FAT4: variants seen among roughly 807,000 people sequenced by gnomAD.
FAT4 encodes the protein protocadherin Fat 4.
A neutral mutation model predicts 303.9 loss-of-function variants in FAT4; 84 were observed. That is an observed-to-expected ratio of 0.28 (90% CI 0.23 to 0.33). The LOEUF (loss-of-function observed/expected upper bound fraction) is 0.33. Ranked by LOEUF, FAT4 falls within the 10% of genes least tolerant of loss-of-function variation. The pLI is 1.00. For missense variants in FAT4, 6,005 were observed against 6,146.8 expected, an observed-to-expected ratio of 0.98 and a Z score of 0.77; for synonymous variants, 2,307 against 2,298.8, an observed-to-expected ratio of 1.00 and a Z score of -0.10.
rs919257001 is a variant in FAT4 at position 125,452,524 on chromosome 4, C to T, written c.11514C>T (p.Ile3838=). The change falls in exon 10 of 18, where the codon ATC becomes ATT. Residue 3838 remains isoleucine, a synonymous_variant. Coordinates refer to ENST00000394329, the MANE Select transcript of FAT4 (RefSeq NM_001291303.3). Reference sequence around the variant, plus strand: ...AAAGCCGTGAGAGTCTTCCAGTCATCATCGTGGCAAATGAACCTCTGCAGC... The same window carrying T: ...AAAGCCGTGAGAGTCTTCCAGTCATTATCGTGGCAAATGAACCTCTGCAGC... The part of the protein sequence containing the change: ...VLKSRESLPV[I]IVANEPLQPF... The T allele has an allele frequency of 3.1e-6, 5 of 1,613,962 alleles. No individual in the cohort carries two copies. Among genetic ancestry groups the T allele is most frequent in the Non-Finnish European group, 4.2e-6 (5 of 1,180,032 alleles).
intron 5 of FAT4, among the ~76,000 whole-genome samples, chr4:125,411,050 C>T (rs1024075017): frequency 2.0e-5 from 3 of 151,980 alleles, no homozygotes; most frequent in African/African-American, 7.2e-5. Context: ...TCAAGTGTTT[C>T]ACAGACAATA....
At chr4:125,346,341 G>C (rs895256973) in intron 2 of FAT4, among the ~76,000 whole-genome samples, 2 of 151,906 alleles carry the variant, frequency 1.3e-5, no homozygotes, top group Admixed American at 1.3e-4. Flanking sequence ...TTGGGAAATA[G>C]AGAAGTTGTC....
At chr4:125,458,078 A>T (rs1560621688) in intron 10 of FAT4, among the ~76,000 whole-genome samples, 3 of 151,626 alleles carry the variant, frequency 2.0e-5, no homozygotes, top group Non-Finnish European at 3.0e-5. Flanking sequence ...TGGCTATCTT[A>T]TAACATAATT....
At chr4:125,400,144 A>G (rs546356034) in intron 3 of FAT4, among the ~76,000 whole-genome samples, 1 of 151,966 alleles carries the variant, frequency 6.6e-6, no homozygotes, top group Non-Finnish European at 1.5e-5. Flanking sequence ...TACTCTAAGA[A>G]TAGAGCAAAT....
rs1213048957 is a variant in FAT4 at position 125,415,357 on chromosome 4, C to A, written c.6394C>A (p.Pro2132Thr). ...LTVVATDKGQPSLSSSTEVVV... is the reference protein window; with the variant it reads ...LTVVATDKGQTSLSSSTEVVV... ...AGTGGTGGCTACAGACAAAGGTCAA[C>A]CATCTCTCTCTTCATCTACAGAGGT... The change falls in exon 6 of 18, where the codon CCA becomes ACA. Residue 2132 changes from proline to threonine, a missense_variant. Pro to Thr is a conservative substitution (Grantham distance 38, BLOSUM62 -1). Transcript: ENST00000394329. The A allele has an allele frequency of 1.2e-6, 2 of 1,613,880 alleles. No individual in the cohort carries two copies. The highest frequency in any genetic ancestry group is 2.7e-5 in the African/African-American group (2 of 74,910).
At chr4:125,353,885 C>T (rs1435130560) in intron 2 of FAT4, among the ~76,000 whole-genome samples, 2 of 151,276 alleles carry the variant, frequency 1.3e-5, no homozygotes, top group East Asian at 3.9e-4. Flanking sequence ...TAGAATCAAC[C>T]CAAAGGTCCC....
chr4:125,321,466 A>T lies in FAT4; in HGVS notation c.5055A>T (p.Arg1685=). 1.9e-6 allele frequency: 3 copies of T among 1,614,106 alleles called. No homozygotes were observed. The highest frequency in any genetic ancestry group is 2.5e-6 in the Non-Finnish European group (3 of 1,179,994). ...KTVGRLFTIG[R]HTGIIQTAAI... is the part of the protein sequence containing the mutation. The stretch of plus-strand genomic sequence containing the variant: ...TTGGACGCCTCTTTACTATTGGACG[A>T]CATACTGGTATAATTCAGACCGCAG... The change falls in exon 2 of 18, where the codon CGA becomes CGT. Residue 1685 remains arginine (R), a synonymous_variant. Transcript: ENST00000394329.
chr4:125,355,757 G>A (rs1301414498), intron 2 of FAT4, among the ~76,000 whole-genome samples: 1 of 151,802 alleles, frequency 6.6e-6, no homozygotes, highest in Non-Finnish European at 1.5e-5. Context: ...AATTGAATTG[G>A]AGAAGGGGTT....
chr4:125,405,265 G>A (rs530049682), intron 3 of FAT4, among the ~76,000 whole-genome samples: 1 of 152,142 alleles, frequency 6.6e-6, no homozygotes, highest in East Asian at 1.9e-4. Flanking sequence ...AGGATTGCTG[G>A]ATCATACGGT....
chr4:125,324,072 A>G (rs546275907), intron 2 of FAT4, among the ~76,000 whole-genome samples: 1 of 152,298 alleles, frequency 6.6e-6, no homozygotes, highest in Admixed American at 6.5e-5. Flanking sequence ...TACTTGTTAT[A>G]TCCAAAGATT....
intron 2 of FAT4, among the ~76,000 whole-genome samples, chr4:125,358,836 A>G (rs1732537748): frequency 6.6e-6 from 1 of 152,104 alleles, no homozygotes; most frequent in African/African-American, 2.4e-5. Flanking sequence ...GGGTTTGAGG[A>G]GCTAAAAATT....
chr4:125,438,951 A>C (rs1725551979), intron 8 of FAT4, among the ~76,000 whole-genome samples: 1 of 152,164 alleles, frequency 6.6e-6, no homozygotes, highest in South Asian at 2.1e-4. Context: ...GTGTCTTATA[A>C]GTTAATTTTT....
chr4:125,375,613 T>G (rs907875644), intron 2 of FAT4, among the ~76,000 whole-genome samples: 1 of 152,204 alleles, frequency 6.6e-6, no homozygotes, highest in Non-Finnish European at 1.5e-5. Context: ...GAGTAAACTT[T>G]CAGCTCTCTG....
intron 14 of FAT4, among the ~76,000 whole-genome samples, chr4:125,478,846 A>G (rs1299852764): frequency 3.9e-5 from 6 of 152,118 alleles, no homozygotes; most frequent in Admixed American, 6.5e-5. Context: ...TTTTTAAAAC[A>G]TAAGTCAGTT....
rs1390653096 is a variant in FAT4 at position 125,398,784 on chromosome 4, G to A, written c.5176G>A (p.Val1726Ile). Residue 1726 changes from valine to isoleucine, a missense_variant and splice_region_variant, in exon 3 of 18, where the codon GTA (valine) becomes ATA (isoleucine). Physicochemically the swap from Val to Ile is conservative, Grantham distance 29 (BLOSUM62 3). Coordinates refer to ENST00000394329, the MANE Select transcript of FAT4 (RefSeq NM_001291303.3). ...CACATTGTTTCCTTTTTCTTTGTAG[G>A]TAGAAATAACACTTCAGGATATCAA... The part of the protein sequence containing the change: ...TAFPRTQRAE[V>I]EITLQDINDN... 4 of 1,612,454 alleles carry A rather than the reference G, an allele frequency of 2.5e-6. No individual in the cohort carries two copies. In the Admixed American group the frequency reaches 6.7e-5, roughly 27 times the overall value.
At chr4:125,471,269 G>A (rs1726846720) in intron 12 of FAT4, among the ~76,000 whole-genome samples, 2 of 152,218 alleles carry the variant, frequency 1.3e-5, no homozygotes, top group African/African-American at 2.4e-5. Context: ...TTGAAATATT[G>A]TGAGAATTAT....
Position 125,490,472 on chromosome 4 carries a change from A to G in FAT4, c.13656A>G (p.Gly4552=). The change falls in exon 18 of 18, where the codon GGA becomes GGG. Residue 4552 remains glycine, a synonymous_variant. Transcript: ENST00000394329. ...AACCGAAGGAGAAGAAGAAAAAGGGAAGTGAGAACGTTGCTTTTGATGACC... is the reference window on the plus strand; with the variant it reads ...AACCGAAGGAGAAGAAGAAAAAGGGGAGTGAGAACGTTGCTTTTGATGACC... The part of the protein sequence containing the change: ...EKKPKEKKKK[G]SENVAFDDPD... The G allele has an allele frequency of 6.2e-7, 1 of 1,614,124 alleles. No homozygotes were observed. The highest frequency in any genetic ancestry group is 8.5e-7 in the Non-Finnish European group (1 of 1,180,028).
At chr4:125,354,218 C>T (rs2710562) in intron 2 of FAT4, among the ~76,000 whole-genome samples, 11,184 of 151,564 alleles carry the variant, frequency 0.074, 517 homozygotes, top group East Asian at 0.19. Context: ...AATAACTTAT[C>T]GTTTTCCCTA....
intron 9 of FAT4, among the ~76,000 whole-genome samples, chr4:125,447,553 C>T (rs1457640638): frequency 2.6e-5 from 4 of 152,054 alleles, no homozygotes; most frequent in African/African-American, 7.2e-5. Flanking sequence ...ATAAAATTTC[C>T]TATGTAAAAT....
Sources: gnomAD v4.1 joint callset for allele counts (sites outside exome capture counted in the v4.1 genomes callset) on GRCh38, gnomAD v4.1.1 for gene constraint, MANE v1.5 for transcripts, NCBI Gene and HGNC (gene_info 2026-07-23, HGNC 2026-07-21) for gene names.